The following KANK1 variants were observed in gnomAD, a reference collection of about 807,000 sequenced individuals.
KANK1 encodes the protein KN motif and ankyrin repeat domains 1.
Under a neutral mutation model 106.2 loss-of-function variants are expected in KANK1, and 109 were observed. That is an observed-to-expected ratio of 1.03 (90% CI 0.88 to 1.20). KANK1 has a LOEUF of 1.20. KANK1 is among the 50% of genes most tolerant of loss of function. The pLI is 0.00. For missense variants in KANK1, 2,399 were observed against 1,710.7 expected, an observed-to-expected ratio of 1.40 and a Z score of -7.10; for synonymous variants, 873 against 652.2, an observed-to-expected ratio of 1.34 and a Z score of -5.16.
intron 1 of KANK1, among the ~76,000 whole-genome samples, chr9:664,819 G>C (rs75089503): frequency 0.053 from 8,079 of 152,086 alleles, 233 homozygotes; most frequent in African/African-American, 0.066. Flanking sequence ...TTCTTTCTCT[G>C]CATCCTCACC....
At chr9:585,335 C>T (rs1013403388) in intron 1 of KANK1, among the ~76,000 whole-genome samples, 1 of 152,176 alleles carries the variant, frequency 6.6e-6, no homozygotes, top group East Asian at 1.9e-4. Flanking sequence ...CACTTTGTCA[C>T]AAAATCTGAC....
intron 1 of KANK1, among the ~76,000 whole-genome samples, chr9:635,512 C>A (rs1836882643): frequency 6.8e-6 from 1 of 146,034 alleles, no homozygotes. Context: ...GATGGAAGTA[C>A]TCTTACATCC....
chr9:658,342 A>C (rs143760144), intron 1 of KANK1, among the ~76,000 whole-genome samples: 12 of 152,290 alleles, frequency 7.9e-5, no homozygotes, highest in African/African-American at 2.9e-4. Context: ...CAACAGGACT[A>C]AGCAAATCTC....
At chr9:565,069 G>A (rs892045688) in intron 1 of KANK1, among the ~76,000 whole-genome samples, 1 of 152,190 alleles carries the variant, frequency 6.6e-6, no homozygotes, top group Non-Finnish European at 1.5e-5. Context: ...AGACCAAAGT[G>A]TGACTTTAGA....
chr9:630,351 C>G (rs1835382783), intron 1 of KANK1, among the ~76,000 whole-genome samples: 2 of 150,914 alleles, frequency 1.3e-5, no homozygotes, highest in Admixed American at 6.6e-5. Flanking sequence ...GAGATGGAGA[C>G]CATCCTGGCT....
At chr9:572,872 G>A (rs1406100022) in intron 1 of KANK1, among the ~76,000 whole-genome samples, 7 of 152,012 alleles carry the variant, frequency 4.6e-5, no homozygotes, top group African/African-American at 1.2e-4. Context: ...TTCTTTTTGG[G>A]CTAGAAAAAG....
At chr9:609,835 T>C (rs1379540386) in intron 1 of KANK1, among the ~76,000 whole-genome samples, 2 of 152,154 alleles carry the variant, frequency 1.3e-5, no homozygotes, top group Non-Finnish European at 2.9e-5. Flanking sequence ...CTAGTAAGTA[T>C]TTTATATTTA....
chr9:521,729 G>A (rs1035143976), intron 1 of KANK1, among the ~76,000 whole-genome samples: 5 of 151,252 alleles, frequency 3.3e-5, no homozygotes, highest in Non-Finnish European at 5.9e-5. Flanking sequence ...CACCACGCGT[G>A]GCTGATTTTT....
At chr9:654,246 A>G (rs970265784) in intron 1 of KANK1, among the ~76,000 whole-genome samples, 2 of 152,216 alleles carry the variant, frequency 1.3e-5, no homozygotes, top group African/African-American at 2.4e-5. Flanking sequence ...TGATGCTGAC[A>G]TCACTGGTCC....
intron 2 of KANK1, among the ~76,000 whole-genome samples, chr9:708,388 A>G (rs1824910089): frequency 6.6e-6 from 1 of 152,234 alleles, no homozygotes. Flanking sequence ...CACGAGCACA[A>G]GTTTCCAGGC....
intron 1 of KANK1, among the ~76,000 whole-genome samples, chr9:632,497 A>G (rs190290714): frequency 3.3e-5 from 5 of 152,160 alleles, no homozygotes; most frequent in African/African-American, 9.7e-5. Context: ...GTAACTGGTG[A>G]AGATGGAGGT....
At chr9:742,101 T>A in intron 9 of KANK1, 104 bp from the exon 10 acceptor site, 3 of 988,166 alleles carry the variant, frequency 3.0e-6, no homozygotes, top group Non-Finnish European at 4.6e-6. Context: ...GTTCTTTCCC[T>A]TCTGTCACCA....
chr9:718,298 CTT>C (rs60145502), intron 3 of KANK1, among the ~76,000 whole-genome samples: 1,328 of 74,102 alleles, frequency 0.018, 29 homozygotes, highest in African/African-American at 0.067. Flanking sequence ...CTTGCTGTGT[CTT>C]TTTTTTTTTT....
chr9:683,374 A>T (rs190121305), intron 2 of KANK1, among the ~76,000 whole-genome samples: 1 of 152,304 alleles, frequency 6.6e-6, no homozygotes, highest in African/African-American at 2.4e-5. Flanking sequence ...CCTGACATAA[A>T]CACATAGGTA....
intron 3 of KANK1, chr9:477,777 G>C (rs1012314806): frequency 2.6e-5 from 4 of 152,236 alleles, no homozygotes; most frequent in African/African-American, 9.7e-5. Context: ...CCAACAGCAT[G>C]GGCCTCTTGG....
At chr9:570,035 T>G (rs1243014434) in intron 1 of KANK1, among the ~76,000 whole-genome samples, 1 of 152,216 alleles carries the variant, frequency 6.6e-6, no homozygotes, top group African/African-American at 2.4e-5. Flanking sequence ...TTTAAAACAA[T>G]TATTTAGGAG....
chr9:512,536 C>G (rs1002476340), intron 1 of KANK1, among the ~76,000 whole-genome samples: 5 of 152,086 alleles, frequency 3.3e-5, no homozygotes, highest in Non-Finnish European at 7.3e-5. Context: ...CAAAAACATC[C>G]TCCAAGTCAA....
At chr9:640,281 G>A (rs989284010) in intron 1 of KANK1, among the ~76,000 whole-genome samples, 4 of 151,968 alleles carry the variant, frequency 2.6e-5, no homozygotes, top group Non-Finnish European at 5.9e-5. Context: ...TCGCTCTGTC[G>A]CCTGGGCTGG....
chr9:496,685 T>G (rs1297408475), intron 3 of KANK1, among the ~76,000 whole-genome samples: 2 of 152,240 alleles, frequency 1.3e-5, no homozygotes, highest in African/African-American at 4.8e-5. Flanking sequence ...ACAAGTTGTT[T>G]TTGCACATGT....
Sources: gnomAD v4.1 joint callset for allele counts (sites outside exome capture counted in the v4.1 genomes callset) on GRCh38, gnomAD v4.1.1 for gene constraint, MANE v1.5 for transcripts, NCBI Gene and HGNC (gene_info 2026-07-23, HGNC 2026-07-21) for gene names.